SLC2A4RG: variants seen among roughly 807,000 people sequenced by gnomAD.
SLC2A4RG encodes SLC2A4 regulator.
SLC2A4RG carries 23 observed loss-of-function variants against 35.5 expected under a neutral mutation model. The observed-to-expected ratio is 0.65, with a 90% CI of 0.47 to 0.92. The LOEUF (loss-of-function observed/expected upper bound fraction) is 0.92, where lower values mean the gene tolerates loss of function less well. Ranked by LOEUF, SLC2A4RG falls within the 40% of genes least tolerant of loss-of-function variation. The probability of loss-of-function intolerance (pLI) is 0.00; values close to 1 mark genes in which losing one functional copy is unlikely to be tolerated. For synonymous variants in SLC2A4RG, 306 were observed against 243.7 expected, an observed-to-expected ratio of 1.26 and a Z score of -2.38; for missense variants, 539 against 525.0, an observed-to-expected ratio of 1.03 and a Z score of -0.26.
chr20:63,742,479 G>C lies in SLC2A4RG; in HGVS notation c.824G>C (p.Arg275Pro), dbSNP rs749266529. ...GCCTCCATGCCGCCTGCCTTCCCCC[G>C]CCTGGAGCTGCCAGAGCTGCTGGAG... ...PTASMPPAFP[R>P]LELPELLEPP... Residue 275 changes from arginine (R) to proline (P), a missense_variant, in exon 6 of 8, where the codon CGC becomes CCC. By Grantham distance (103) the Arg-to-Pro change is moderately radical. Transcript: ENST00000266077. The C allele has an allele frequency of 6.3e-7, 1 of 1,582,136 alleles. No individual in the cohort carries two copies. Among genetic ancestry groups the C allele is most frequent in the Middle Eastern group, 1.9e-4 (1 of 5,158 alleles).
At position 63,743,462 on chromosome 20, in the gene SLC2A4RG, C is replaced by A. The variant is rs1396290304; in HGVS notation, c.*472C>A. ...GCTCAGGTGTCTCACGTCTGGGCTG[C>A]ACCAGGCGAAGAGAGAAATTAAAGA... On this transcript the variant is annotated 3_prime_UTR_variant, in exon 8 of 8. Transcript: ENST00000266077. 1.3e-5 allele frequency: 2 copies of A among 154,490 alleles called. No individual in the cohort carries two copies. The highest frequency in any genetic ancestry group is 2.9e-5 in the Non-Finnish European group (2 of 69,414). 9.6% of individuals were successfully genotyped at this position (154,490 alleles called of 1,614,324 possible).
In SLC2A4RG at chr20:63,742,897, G is replaced by T. The variant is rs768768362; in HGVS notation, c.1071G>T (p.Ala357=). The T allele has an allele frequency of 3.7e-6, 6 of 1,611,846 alleles. No individual in the cohort carries two copies. In the South Asian group the frequency reaches 5.5e-5, roughly 15 times the overall value. ...CGCACAGGAAGCCCCGCGGCGACGC[G>T]AAGAAGTGCCGGAAGGTGTATGGCA... ...GVTLRKPRGD[A]KKCRKVYGME... The change falls in exon 8 of 8, where the codon GCG becomes GCT. Residue 357 remains alanine, a synonymous_variant. Transcript: ENST00000266077.
intron 1 of SLC2A4RG, 83 bp from the exon 2 acceptor site, chr20:63,740,294 C>A: frequency 1.0e-6 from 1 of 964,014 alleles, no homozygotes; most frequent in Non-Finnish European, 1.3e-6. Context: ...GAGGCGGGCG[C>A]CGAGCGGATC....
At position 63,740,427 on chromosome 20, in the gene SLC2A4RG, G is replaced by A. The variant is rs1050322911; in HGVS notation, c.177G>A (p.Gln59=). ...CGGGCTTGGAGTTCGCGCGGCCGCAGGAGTCGGAGCCGCGGGCCTCGGACC... is the reference window on the plus strand; with the variant it reads ...CGGGCTTGGAGTTCGCGCGGCCGCAAGAGTCGGAGCCGCGGGCCTCGGACC... The part of the protein sequence containing the change: ...GFAGLEFARP[Q]ESEPRASDLG... The change falls in exon 2 of 8, where the codon CAG becomes CAA. Residue 59 remains glutamine (Q), a synonymous_variant. Coordinates refer to ENST00000266077, the MANE Select transcript of SLC2A4RG (RefSeq NM_020062.4). The A allele has an allele frequency of 1.1e-5, 13 of 1,230,336 alleles. No individual in the cohort carries two copies. The highest frequency in any genetic ancestry group is 3.1e-5 in the African/African-American group (2 of 64,152). 76.2% of individuals were successfully genotyped at this position (1,230,336 alleles called of 1,614,324 possible). A position where few individuals can be genotyped will look rare whatever the true frequency, so the allele number is the denominator to read the frequency against.
At chr20:63,741,532 C>G (rs1287735825) in intron 3 of SLC2A4RG, 53 bp downstream of exon 3, 1 of 1,489,746 alleles carries the variant, frequency 6.7e-7, no homozygotes, top group African/African-American at 1.4e-5. Context: ...GGGCTCAGAA[C>G]CTACAGCCAC....
chr20:63,742,029 T>C lies in SLC2A4RG; in HGVS notation c.552T>C (p.Phe184=), dbSNP rs1400281717. 6.2e-7 allele frequency: 1 copy of C among 1,612,234 alleles called. No homozygotes were observed. The change falls in exon 4 of 8, where the codon TTT becomes TTC. Residue 184 remains phenylalanine (F), a synonymous_variant. Transcript: ENST00000266077. ...CCCCCGAGGCAGCCCACTTTCTGTT[T>C]GGGGAGCCCACCCTGAGAAAAAGGA... ...PLPPEAAHFL[F]GEPTLRKRKS...
Position 63,741,359 on chromosome 20 carries a change from A to G in SLC2A4RG, c.282-11A>G, listed in dbSNP as rs1457657397. 2 of 1,611,532 alleles carry G rather than the reference A, an allele frequency of 1.2e-6. No individual in the cohort carries two copies. The highest frequency in any genetic ancestry group is 1.7e-6 in the Non-Finnish European group (2 of 1,179,604). On this transcript the variant is annotated splice_polypyrimidine_tract_variant and intron_variant, in intron 2 of 7. Transcript: ENST00000266077. ...GCTGGGTCACCCGCACCCCGCCCCC[A>G]TCTCCTCCAGAGCCACCCCAGGAAA...
intron 2 of SLC2A4RG, 26 bp from the exon 3 acceptor site, chr20:63,741,344 C>T: frequency 6.2e-7 from 1 of 1,605,842 alleles, no homozygotes. Context: ...GCTGGGTCAC[C>T]CGCACCCCGC....
rs916490451 is a variant in SLC2A4RG, at chr20:63,743,413, G to A, written c.*423G>A. The A allele has an allele frequency of 1.2e-5, 2 of 162,372 alleles. No homozygotes were observed. The highest frequency in any genetic ancestry group is 2.7e-5 in the Non-Finnish European group (2 of 73,814). 10.1% of individuals were successfully genotyped at this position (162,372 alleles called of 1,614,324 possible). A position where few individuals can be genotyped will look rare whatever the true frequency, so the allele number is the denominator to read the frequency against. ...TCAACGGCTCTCGGGCCCTGGGGCT[G>A]TTTTTACCATGTTTGTTTTTGAAGC... On this transcript the variant is annotated 3_prime_UTR_variant, in exon 8 of 8. Transcript: ENST00000266077.
chr20:63,741,212 C>T (rs984295004), intron 2 of SLC2A4RG, 158 bp from the exon 3 acceptor site: 3 of 676,574 alleles, frequency 4.4e-6, no homozygotes, highest in Admixed American at 2.7e-5. Context: ...TTTCAGCTCT[C>T]TCTGCAACCT....
In SLC2A4RG at chr20:63,742,758, C is replaced by T. The variant is rs563472148; in HGVS notation, c.1020C>T (p.Pro340=). The T allele has an allele frequency of 3.5e-5, 55 of 1,593,506 alleles. No homozygotes were observed. Among genetic ancestry groups the T allele is most frequent in the East Asian group, 4.5e-5 (2 of 44,022 alleles). Residue 340 remains proline, a synonymous_variant, in exon 7 of 8, where the codon CCC becomes CCT. Coordinates refer to ENST00000266077, the MANE Select transcript of SLC2A4RG (RefSeq NM_020062.4). ...CCACGGAGGTCGGAGCCTGCCCACCCGCCTTGTCCTCCAGGATCGGAGTCA... is the reference window on the plus strand; with the variant it reads ...CCACGGAGGTCGGAGCCTGCCCACCTGCCTTGTCCTCCAGGATCGGAGTCA... ...PQPTEVGACP[P]ALSSRIGVTL... is the part of the protein sequence containing the mutation.
intron 3 of SLC2A4RG, 122 bp from the exon 4 acceptor site, chr20:63,741,747 C>T: frequency 7.0e-7 from 1 of 1,437,354 alleles, no homozygotes. Context: ...AGCCCTGGGG[C>T]CAGCTCCTCC....
rs1246159868 is a variant in SLC2A4RG, at chr20:63,741,382, A to G, written c.294A>G (p.Gly98=). 3.7e-6 allele frequency: 6 copies of G among 1,612,644 alleles called. No homozygotes were observed. Among genetic ancestry groups the G allele is most frequent in the Non-Finnish European group, 5.1e-6 (6 of 1,179,762 alleles). Reference sequence around the variant, plus strand: ...CCATCTCCTCCAGAGCCACCCCAGGAAAAGCCCGGCTGGACGAGGTCATGG... The same window carrying G: ...CCATCTCCTCCAGAGCCACCCCAGGGAAAGCCCGGCTGGACGAGGTCATGG... ...IPVPAQRATP[G]KARLDEVMAA... is the part of the protein sequence containing the mutation. Residue 98 remains glycine, a synonymous_variant, in exon 3 of 8, where the codon GGA becomes GGG. Coordinates refer to ENST00000266077, the MANE Select transcript of SLC2A4RG (RefSeq NM_020062.4).
chr20:63,742,253 G>T (rs775735910), intron 5 of SLC2A4RG, 23 bp downstream of exon 5: 34 of 1,582,732 alleles, frequency 2.1e-5, no homozygotes, highest in Non-Finnish European at 1.0e-5. Context: ...CTGGGGTGCG[G>T]CGGGGCCTGC....
In SLC2A4RG at chr20:63,741,955, G is replaced by A; in HGVS notation, c.478G>A (p.Asp160Asn). The change falls in exon 4 of 8, where the codon GAC becomes AAC. Residue 160 changes from aspartate to asparagine, a missense_variant. By Grantham distance (23) the Asp-to-Asn change is conservative. Coordinates refer to ENST00000266077, the MANE Select transcript of SLC2A4RG (RefSeq NM_020062.4). ...CAGCAACAGTGGAGACTGGGGATGG[G>A]ACCTGGCCAGTGACCAGTCCTCTCC... ...SSSNSGDWGW[D>N]LASDQSSPST... is the part of the protein sequence containing the mutation. 6 of 1,612,882 alleles carry A rather than the reference G, an allele frequency of 3.7e-6. No homozygotes were observed. The highest frequency in any genetic ancestry group is 5.1e-6 in the Non-Finnish European group (6 of 1,179,810).
Position 63,741,920 on chromosome 20 carries a change from AC to A in SLC2A4RG, c.444del (p.Tyr148Ter). On this transcript the variant is annotated frameshift_variant, in exon 4 of 8. Coordinates refer to ENST00000266077, the MANE Select transcript of SLC2A4RG (RefSeq NM_020062.4). LOFTEE classifies it high-confidence loss of function. ...KEALVRPPGS[Y>X]SSSSNSGDWG... ...GCCCTGGTGCGGCCCCCAGGCAGCT[AC>A]AGCAGCAGCAGCAACAGTGGAGACT... is the stretch of plus-strand genomic sequence containing the variant. 2 of 1,611,972 alleles carry A rather than the reference AC, an allele frequency of 1.2e-6. No homozygotes were observed. Among genetic ancestry groups the A allele is most frequent in the Non-Finnish European group, 1.7e-6 (2 of 1,179,528 alleles).
rs756752505 is a variant in SLC2A4RG at position 63,741,440 on chromosome 20, C to T, written c.352C>T (p.Pro118Ser). 2.4e-5 allele frequency: 39 copies of T among 1,613,384 alleles called. 1 individual carries two copies. The South Asian group carries it at 2.7e-4, about 11-fold the overall frequency. The part of the protein sequence containing the change: ...AAALTSLSTS[P>S]LLLGAPVAAF... ...TGCCCTTACAAGCCTGTCCACCAGC[C>T]CTCTCCTTCTGGGGGCCCCGGTTGC... is the stretch of plus-strand genomic sequence containing the variant. The change falls in exon 3 of 8, where the codon CCT becomes TCT. Residue 118 changes from proline to serine, a missense_variant. Transcript: ENST00000266077.
intron 2 of SLC2A4RG, among the ~76,000 whole-genome samples, chr20:63,741,022 T>C (rs1337189758): frequency 6.6e-6 from 1 of 152,132 alleles, no homozygotes; most frequent in Admixed American, 6.5e-5. Context: ...ACAGCTGCTG[T>C]TGCACAACCC....
rs1379753904 is a variant in SLC2A4RG at position 63,740,384 on chromosome 20, C to A, written c.134C>A (p.Ser45Tyr). The A allele has an allele frequency of 1.1e-4, 131 of 1,228,498 alleles. No homozygotes were observed. The highest frequency in any genetic ancestry group is 4.9e-5 in the Non-Finnish European group (48 of 984,918). 76.1% of individuals were successfully genotyped at this position (1,228,498 alleles called of 1,614,324 possible). The change falls in exon 2 of 8, where the codon TCC becomes TAC. Residue 45 changes from serine to tyrosine, a missense_variant. Ser to Tyr is a moderately radical substitution (Grantham distance 144). Transcript: ENST00000266077. The part of the protein sequence containing the change: ...VTVPTPPQGS[S>Y]VGGGFAGLEF... ...CCCCCTCCCCATCCGCAGGGCTCTTCCGTGGGCGGCGGCTTCGCGGGCTTG... is the reference window on the plus strand; with the variant it reads ...CCCCCTCCCCATCCGCAGGGCTCTTACGTGGGCGGCGGCTTCGCGGGCTTG...
Sources: allele counts gnomAD v4.1 joint callset (sites outside exome capture counted in the v4.1 genomes callset), GRCh38; gene constraint gnomAD v4.1.1; transcripts MANE v1.5; gene names NCBI Gene and HGNC (gene_info 2026-07-23, HGNC 2026-07-21).